The following CATSPERT variants were observed in gnomAD, a reference collection of about 807,000 sequenced individuals.
CATSPERT encodes the protein catsper channel auxiliary subunit tau.
At chr2:201,567,816 A>ATAGCTAGG in the CATSPERT span, among the ~76,000 whole-genome samples, 2 of 152,178 alleles carry the variant, frequency 1.3e-5, no homozygotes, top group African/African-American at 4.8e-5. Context: ...TTTTTGACCA[A>ATAGCTAGG]TAGCTAGGTA....
the CATSPERT span, chr2:201,556,890 A>G: frequency 6.6e-6 from 1 of 151,766 alleles, no homozygotes; most frequent in African/African-American, 2.4e-5. Context: ...GAAAAAAGTA[A>G]TATGTTTATT....
At chr2:201,610,402 G>A in the CATSPERT span, among the ~76,000 whole-genome samples, 2 of 151,392 alleles carry the variant, frequency 1.3e-5, no homozygotes, top group African/African-American at 4.9e-5. Flanking sequence ...AGCTTGCAGT[G>A]AGCCGAGATC....
At chr2:201,549,508 C>T in the CATSPERT span, 1 of 152,052 alleles carries the variant, frequency 6.6e-6, no homozygotes, top group Non-Finnish European at 1.5e-5. Context: ...AGGAGTCAAA[C>T]CCCCTATAAC....
chr2:201,503,061 C>T, the CATSPERT span, among the ~76,000 whole-genome samples: 3 of 151,124 alleles, frequency 2.0e-5, no homozygotes, highest in Non-Finnish European at 3.0e-5. Context: ...TTAATTATAC[C>T]CTCTATTTTT....
the CATSPERT span, among the ~76,000 whole-genome samples, chr2:201,510,176 G>A: frequency 1.9e-4 from 29 of 150,586 alleles, 2 homozygotes; most frequent in African/African-American, 6.8e-4. Context: ...AGGGGTCGGG[G>A]ATGTGGCTCA....
chr2:201,567,780 T>A, the CATSPERT span, among the ~76,000 whole-genome samples: 1 of 152,218 alleles, frequency 6.6e-6, no homozygotes, highest in Admixed American at 6.5e-5. Context: ...GTGAATCTCA[T>A]CATAAACACC....
At chr2:201,545,090 T>C in the CATSPERT span, among the ~76,000 whole-genome samples, 1 of 151,982 alleles carries the variant, frequency 6.6e-6, no homozygotes, top group Non-Finnish European at 1.5e-5. Context: ...CAGGCTGGAG[T>C]GCCGTGGCAA....
At chr2:201,558,070 G>A in the CATSPERT span, 1 of 152,122 alleles carries the variant, frequency 6.6e-6, no homozygotes, top group Non-Finnish European at 1.5e-5. Context: ...CATAACCTGA[G>A]CGCTTTTAAT....
chr2:201,554,471 C>T, the CATSPERT span: 1 of 152,148 alleles, frequency 6.6e-6, no homozygotes, highest in African/African-American at 2.4e-5. Flanking sequence ...CACAACTATG[C>T]ACTGCTTACT....
At chr2:201,534,397 A>G in the CATSPERT span, 186 of 983,628 alleles carry the variant, frequency 1.9e-4, 2 homozygotes, top group East Asian at 0.018. Flanking sequence ...TAACTTACTT[A>G]TCAAGTGAAA....
At chr2:201,565,763 G>C in the CATSPERT span, 1 of 1,592,812 alleles carries the variant, frequency 6.3e-7, no homozygotes, top group Non-Finnish European at 8.5e-7. Context: ...TTTTCAAGTC[G>C]CACTACAGAT....
At chr2:201,532,563 C>A in the CATSPERT span, among the ~76,000 whole-genome samples, 14 of 151,896 alleles carry the variant, frequency 9.2e-5, no homozygotes, top group South Asian at 2.1e-4. Context: ...AGTTACAGGG[C>A]TGAATGAATA....
chr2:201,567,758 G>A, the CATSPERT span, among the ~76,000 whole-genome samples: 2 of 152,222 alleles, frequency 1.3e-5, no homozygotes, highest in Admixed American at 6.5e-5. Flanking sequence ...TACTCAGTGT[G>A]CCAGTTTAAA....
chr2:201,526,036 A>G, the CATSPERT span, among the ~76,000 whole-genome samples: 1 of 152,200 alleles, frequency 6.6e-6, no homozygotes, highest in Admixed American at 6.5e-5. Context: ...TACCAGATGT[A>G]TAAAGAAGAA....
chr2:201,488,144 C>A, the CATSPERT span, among the ~76,000 whole-genome samples: 75,132 of 152,040 alleles, frequency 0.49, 19,730 homozygotes, highest in African/African-American at 0.68. Context: ...ACTATGCTAG[C>A]AACCATGCTT....
the CATSPERT span, among the ~76,000 whole-genome samples, chr2:201,563,148 ACCCCCCACCTCCCTCCCGGACGGGGCG>A: frequency 4.3e-5 from 2 of 46,244 alleles, no homozygotes; most frequent in African/African-American, 1.4e-4. Context: ...CGGGGGGCTG[ACCCCCCACCTCCCTCCCGGACGGGGCG>A]GCTGGCCGGG....
the CATSPERT span, among the ~76,000 whole-genome samples, chr2:201,583,738 G>C: frequency 1.3e-5 from 2 of 152,028 alleles, no homozygotes; most frequent in African/African-American, 4.8e-5. Context: ...GCAGTTAACA[G>C]TCAAAAATAA....
At chr2:201,582,200 A>T in the CATSPERT span, 1 of 1,597,166 alleles carries the variant, frequency 6.3e-7, no homozygotes, top group Non-Finnish European at 8.5e-7. Flanking sequence ...TCCGCTTATC[A>T]TCATAACGTC....
At chr2:201,585,945 CCTT>C in the CATSPERT span, among the ~76,000 whole-genome samples, 8 of 152,134 alleles carry the variant, frequency 5.3e-5, no homozygotes, top group Non-Finnish European at 7.4e-5. Context: ...TCCTGCCTCT[CCTT>C]CTACCTCCTC....
Sources: gnomAD v4.1 joint callset for allele counts (sites outside exome capture counted in the v4.1 genomes callset) on GRCh38, gnomAD v4.1.1 for gene constraint, MANE v1.5 for transcripts, NCBI Gene and HGNC (gene_info 2026-07-23, HGNC 2026-07-21) for gene names.